CPEB3: variants seen among roughly 807,000 people sequenced by gnomAD.
CPEB3 encodes cytoplasmic polyadenylation element binding protein 3.
In CPEB3, 20 loss-of-function variants were observed where a neutral mutation model predicts 67.2. The ratio of observed to expected loss-of-function variants is 0.30; its 90% CI spans 0.21 to 0.43. The LOEUF (loss-of-function observed/expected upper bound fraction) is 0.43, where lower values mean the gene tolerates loss of function less well. CPEB3 is among the 20% of genes least tolerant of loss of function. The pLI is 1.00. For missense variants in CPEB3, 746 were observed against 968.6 expected (o/e 0.77, Z 3.05); for synonymous variants, 376 against 393.1 (o/e 0.96, Z 0.51).
At chr10:92,070,622 C>T (rs182784191) in intron 9 of CPEB3, among the ~76,000 whole-genome samples, 486 of 151,860 alleles carry the variant, frequency 3.2e-3, no homozygotes, top group Middle Eastern at 0.017. Context: ...ATTAAAAATA[C>T]AAAAATTAGC....
intron 7 of CPEB3, among the ~76,000 whole-genome samples, chr10:92,093,425 G>GTAGCACT (rs1482676434): frequency 1.3e-5 from 2 of 152,068 alleles, no homozygotes; most frequent in Non-Finnish European, 2.9e-5. Flanking sequence ...CACTTGAAAG[G>GTAGCACT]TAGCACCTGT....
At chr10:92,117,099 A>T (rs1047777984) in intron 6 of CPEB3, among the ~76,000 whole-genome samples, 10 of 151,956 alleles carry the variant, frequency 6.6e-5, no homozygotes, top group Non-Finnish European at 1.5e-4. Context: ...ATCTCAGCTC[A>T]CTGCAACCTC....
Position 92,047,339 on chromosome 10 carries a change from T to G in CPEB3, c.*4873A>C, listed in dbSNP as rs557195150. Reference sequence around the variant, plus strand: ...CAACAATCCATTCAAATAAGCCAGTTTTAACAAAAAGATACATTTTTTTCA... The same window carrying G: ...CAACAATCCATTCAAATAAGCCAGTGTTAACAAAAAGATACATTTTTTTCA... On this transcript the variant is annotated 3_prime_UTR_variant, in exon 10 of 10. Transcript: ENST00000265997. 6.6e-6 allele frequency: 1 copy of G among 152,314 alleles called. No individual in the cohort carries two copies. The highest frequency in any genetic ancestry group is 2.1e-4 in the South Asian group (1 of 4,820). The allele number at this position is 152,314 out of a possible 1,614,324, so 9.4% of individuals were successfully genotyped here.
intron 1 of CPEB3, among the ~76,000 whole-genome samples, chr10:92,283,481 A>C (rs1307884906): frequency 2.0e-5 from 3 of 152,102 alleles, no homozygotes; most frequent in African/African-American, 7.2e-5. Context: ...GCCCAAATCA[A>C]ATCACCAAGC....
intron 6 of CPEB3, among the ~76,000 whole-genome samples, chr10:92,112,294 G>A (rs529202755): frequency 7.2e-5 from 11 of 151,968 alleles, no homozygotes; most frequent in South Asian, 2.1e-4. Context: ...ACAGGCGCCC[G>A]CCACCACATC....
intron 7 of CPEB3, among the ~76,000 whole-genome samples, chr10:92,095,014 C>G (rs951271156): frequency 1.3e-5 from 2 of 152,158 alleles, no homozygotes; most frequent in Non-Finnish European, 2.9e-5. Flanking sequence ...ATCCAATGGT[C>G]TGCTTTCATG....
At chr10:92,261,171 G>T (rs968648231) in intron 1 of CPEB3, among the ~76,000 whole-genome samples, 3 of 152,068 alleles carry the variant, frequency 2.0e-5, no homozygotes, top group African/African-American at 7.2e-5. Flanking sequence ...TAGTATTTGT[G>T]TAATATCAGT....
At position 92,091,867 on chromosome 10, in the gene CPEB3, A is replaced by C. The variant is rs1247289984; in HGVS notation, c.1650T>G (p.Thr550=). 2 of 1,613,688 alleles carry C rather than the reference A, an allele frequency of 1.2e-6. No individual in the cohort carries two copies. Among genetic ancestry groups the C allele is most frequent in the Non-Finnish European group, 1.7e-6 (2 of 1,179,816 alleles). Residue 550 remains threonine (T), a synonymous_variant, in exon 8 of 10, where the codon ACT becomes ACG. Coordinates refer to ENST00000265997, the MANE Select transcript of CPEB3 (RefSeq NM_014912.5). Reference sequence around the variant, plus strand: ...GTCGTGGAACTCCCCCAACAAAGATAGTTTTTCTGGGGTCCAAAGGCTGAG... The same window carrying C: ...GTCGTGGAACTCCCCCAACAAAGATCGTTTTTCTGGGGTCCAAAGGCTGAG... The part of the protein sequence containing the change: ...DGSQPLDPRK[T]IFVGGVPRPL...
At chr10:92,055,225 C>A (rs1842066338) in intron 9 of CPEB3, among the ~76,000 whole-genome samples, 1 of 152,232 alleles carries the variant, frequency 6.6e-6, no homozygotes, top group Admixed American at 6.5e-5. Flanking sequence ...GGGCTTCCAA[C>A]TAAGCTTGGT....
At chr10:92,214,864 T>G (rs1165092639) in intron 2 of CPEB3, among the ~76,000 whole-genome samples, 1 of 152,250 alleles carries the variant, frequency 6.6e-6, no homozygotes, top group East Asian at 1.9e-4. Context: ...ATTTCTTTTT[T>G]TTGAGACAGA....
chr10:92,073,309 G>C (rs1325210646), intron 9 of CPEB3, among the ~76,000 whole-genome samples: 1 of 151,764 alleles, frequency 6.6e-6, no homozygotes, highest in African/African-American at 2.4e-5. Context: ...AAAGTTCTGA[G>C]ATTACAGGTG....
At chr10:92,270,812 C>A (rs1305293953) in intron 1 of CPEB3, among the ~76,000 whole-genome samples, 6 of 151,914 alleles carry the variant, frequency 3.9e-5, no homozygotes, top group Non-Finnish European at 7.4e-5. Context: ...TCAAGTGATT[C>A]GCCCATCTTG....
chr10:92,065,967 C>T (rs77447296), intron 9 of CPEB3, among the ~76,000 whole-genome samples: 12,323 of 151,986 alleles, frequency 0.081, 716 homozygotes, highest in East Asian at 0.19. Context: ...CGTGGTGGTG[C>T]ACTCCTGTGG....
At chr10:92,205,697 G>A (rs1849755561) in intron 2 of CPEB3, among the ~76,000 whole-genome samples, 2 of 151,646 alleles carry the variant, frequency 1.3e-5, no homozygotes, top group Admixed American at 6.6e-5. Flanking sequence ...GGCTGGTCTC[G>A]AACTCCTGAC....
rs74149366 is a variant in CPEB3, at chr10:92,071,329, G to A, written c.1869+9991C>T. On this transcript the variant is annotated intron_variant, in intron 9 of 9. Coordinates refer to ENST00000265997, the MANE Select transcript of CPEB3 (RefSeq NM_014912.5). Reference sequence around the variant, plus strand: ...CTGAGCTAGACAATGGTTGTGTTGGGGGGCAGCAGGAGTTGCCCCAGATTT... The same window carrying A: ...CTGAGCTAGACAATGGTTGTGTTGGAGGGCAGCAGGAGTTGCCCCAGATTT... Among the ~76,000 whole-genome samples the A allele has an allele frequency of 9.2e-3, 1,396 of 152,232 alleles. 22 individuals are homozygous for A. The highest frequency in any genetic ancestry group is 0.032 in the African/African-American group (1,314 of 41,536).
chr10:92,203,946 C>T (rs766435504), intron 2 of CPEB3, among the ~76,000 whole-genome samples: 3 of 152,164 alleles, frequency 2.0e-5, no homozygotes, highest in Non-Finnish European at 2.9e-5. Flanking sequence ...TAATATTTCT[C>T]CAGGAACCTA....
chr10:92,144,609 A>G (rs1846592444), intron 5 of CPEB3, among the ~76,000 whole-genome samples: 1 of 152,202 alleles, frequency 6.6e-6, no homozygotes, highest in African/African-American at 2.4e-5. Flanking sequence ...GATGCACATG[A>G]GCAGAAGCTC....
At chr10:92,181,367 CAAAAAA>C (rs55896574) in intron 3 of CPEB3, among the ~76,000 whole-genome samples, 19 of 95,428 alleles carry the variant, frequency 2.0e-4, no homozygotes, top group African/African-American at 6.0e-4. Context: ...ATTCAAGCAG[CAAAAAA>C]AAAAAAAAAA....
intron 6 of CPEB3, among the ~76,000 whole-genome samples, chr10:92,115,888 G>T (rs1844998529): frequency 6.6e-6 from 1 of 152,096 alleles, no homozygotes; most frequent in African/African-American, 2.4e-5. Context: ...ATTTGGATTT[G>T]GTCCAAATAT....
Sources: allele counts gnomAD v4.1 joint callset (sites outside exome capture counted in the v4.1 genomes callset), GRCh38; gene constraint gnomAD v4.1.1; transcripts MANE v1.5; gene names NCBI Gene and HGNC (gene_info 2026-07-23, HGNC 2026-07-21).